KRT82: variants seen among roughly 807,000 people sequenced by gnomAD.
The protein encoded by KRT82 is keratin 82, also known as keratin, type II cuticular Hb2.
In KRT82, 44 loss-of-function variants were observed where a neutral mutation model predicts 48.0. The observed-to-expected ratio is 0.92, with a 90% CI of 0.72 to 1.18. The LOEUF is 1.18. Ranked by LOEUF, KRT82 falls within the 50% of genes most tolerant of loss-of-function variation. KRT82 has a pLI of 0.00. For synonymous variants in KRT82, 297 were observed against 278.3 expected (o/e 1.07, Z -0.67); for missense variants, 701 against 671.4 (o/e 1.04, Z -0.49).
intron 5 of KRT82, 81 bp from the exon 6 acceptor site, chr12:52,397,089 T>C: frequency 6.5e-7 from 1 of 1,536,340 alleles, no homozygotes; most frequent in South Asian, 1.2e-5. Context: ...CCCAGTCTTT[T>C]CTCCCGTGAC....
In KRT82 at chr12:52,403,802, G is replaced by T; in HGVS notation, c.519C>A (p.Ile173=). The T allele has an allele frequency of 6.2e-7, 1 of 1,613,690 alleles. No homozygotes were observed. The highest frequency in any genetic ancestry group is 8.5e-7 in the Non-Finnish European group (1 of 1,179,944). Residue 173 remains isoleucine, a synonymous_variant, in exon 2 of 9, where the codon ATC becomes ATA. Transcript: ENST00000257974. The part of the protein sequence containing the change: ...TNIEPIFEGY[I]SALRRQLDCV... Reference sequence around the variant, plus strand: ...AGTCCAGCTGCCGCCGAAGGGCGCTGATATAGCCCTCGAAGATGGGCTCGA... The same window carrying T: ...AGTCCAGCTGCCGCCGAAGGGCGCTTATATAGCCCTCGAAGATGGGCTCGA...
intron 2 of KRT82, among the ~76,000 whole-genome samples, chr12:52,402,644 T>G (rs932822931): frequency 6.6e-6 from 1 of 152,236 alleles, no homozygotes; most frequent in Non-Finnish European, 1.5e-5. Flanking sequence ...TTCCTCTCCC[T>G]TCTTCTCTGT....
chr12:52,401,352 G>A lies in KRT82; in HGVS notation c.621-3C>T. The stretch of plus-strand genomic sequence containing the variant: ...GCAGGGAGAGCTCCTCTTCGTATCT[G>A]ATGGAAAAGGCAGGAAAAAATGCTT... On this transcript the variant is annotated splice_region_variant and splice_polypyrimidine_tract_variant and intron_variant, in intron 2 of 8. Transcript: ENST00000257974. 6.2e-7 allele frequency: 1 copy of A among 1,614,002 alleles called. No individual in the cohort carries two copies. Among genetic ancestry groups the A allele is most frequent in the Non-Finnish European group, 8.5e-7 (1 of 1,179,896 alleles).
chr12:52,403,559 G>A lies in KRT82; in HGVS notation c.620+142C>T, dbSNP rs980626034. On this transcript the variant is annotated intron_variant, in intron 2 of 8. Transcript: ENST00000257974. ...TACCGTGTGCCAAGTGGGGTGCCCTGCTGACACCATCCCACCTAACTGTTC... is the reference window on the plus strand; with the variant it reads ...TACCGTGTGCCAAGTGGGGTGCCCTACTGACACCATCCCACCTAACTGTTC... 6 of 656,390 alleles carry A rather than the reference G, an allele frequency of 9.1e-6. No individual in the cohort carries two copies. In the African/African-American group the frequency reaches 1.1e-4, roughly 12 times the overall value. The allele number at this position is 656,390 out of a possible 1,614,324, so 40.7% of individuals were successfully genotyped here.
rs751900327 is a variant in KRT82 at position 52,406,323 on chromosome 12, G to A, written c.-46C>T. On this transcript the variant is annotated 5_prime_UTR_variant, in exon 1 of 9. Coordinates refer to ENST00000257974, the MANE Select transcript of KRT82 (RefSeq NM_033033.4). ...AAATGCGGCCCTGGAGGAAAGAACC[G>A]GGGCAGGATGATCAAGTCAGGCTCA... The A allele has an allele frequency of 1.2e-5, 18 of 1,492,988 alleles. No individual in the cohort carries two copies. Among genetic ancestry groups the A allele is most frequent in the Middle Eastern group, 1.8e-4 (1 of 5,626 alleles). 92.5% of individuals were successfully genotyped at this position (1,492,988 alleles called of 1,614,324 possible).
rs757162685 is a variant in KRT82 at position 52,400,582 on chromosome 12, G to A, written c.722C>T (p.Thr241Ile). The change falls in exon 4 of 9, where the codon ACC becomes ATC. Residue 241 changes from threonine (T) to isoleucine (I), a missense_variant. Thr to Ile is a moderately conservative substitution (Grantham distance 89, BLOSUM62 -1). Transcript: ENST00000257974. ...CTCCTGCACGAGTGCCTCTGCGTTG[G>A]TCTCCAGGTCAGCCTTCATCAGGAA... is the stretch of plus-strand genomic sequence containing the variant. ...TAFLMKADLE[T>I]NAEALVQEID... is the part of the protein sequence containing the mutation. 6.2e-7 allele frequency: 1 copy of A among 1,614,058 alleles called. No individual in the cohort carries two copies. The highest frequency in any genetic ancestry group is 8.5e-7 in the Non-Finnish European group (1 of 1,179,968).
At position 52,396,863 on chromosome 12, in the gene KRT82, G is replaced by A. The variant is rs1051484802; in HGVS notation, c.1068+20C>T. 5 of 1,613,060 alleles carry A rather than the reference G, an allele frequency of 3.1e-6. No homozygotes were observed. The African/African-American group carries it at 4.0e-5, about 13-fold the overall frequency. ...AGCCCAGGATGGCTGTTGCAGCAAG[G>A]AAGTCCTCCCCAGCCTCACCTGGGC... On this transcript the variant is annotated intron_variant, in intron 6 of 8. Coordinates refer to ENST00000257974, the MANE Select transcript of KRT82 (RefSeq NM_033033.4).
chr12:52,405,786 C>G, intron 1 of KRT82, 81 bp downstream of exon 1: 1 of 1,430,800 alleles, frequency 7.0e-7, no homozygotes, highest in Non-Finnish European at 9.4e-7. Flanking sequence ...CAGTCTCCTC[C>G]TGGTTCCCTT....
At chr12:52,398,729 A>G (rs1939747678) in intron 5 of KRT82, among the ~76,000 whole-genome samples, 1 of 152,020 alleles carries the variant, frequency 6.6e-6, no homozygotes, top group African/African-American at 2.4e-5. Flanking sequence ...CATACTTCCA[A>G]CCACCATGGA....
chr12:52,403,695 A>G lies in KRT82; in HGVS notation c.620+6T>C, dbSNP rs1434845830. The G allele has an allele frequency of 1.3e-6, 2 of 1,557,414 alleles. No individual in the cohort carries two copies. The highest frequency in any genetic ancestry group is 1.7e-5 in the Admixed American group (1 of 59,842). On this transcript the variant is annotated splice_donor_region_variant and intron_variant, in intron 2 of 8. Coordinates refer to ENST00000257974, the MANE Select transcript of KRT82 (RefSeq NM_033033.4). Reference sequence around the variant, plus strand: ...CACCAGTGGGGTAAAAGCAGCACTGACTCACTTTTTCTTGTAGCCCTCCAG... The same window carrying G: ...CACCAGTGGGGTAAAAGCAGCACTGGCTCACTTTTTCTTGTAGCCCTCCAG...
intron 5 of KRT82, among the ~76,000 whole-genome samples, chr12:52,397,817 C>G (rs968632082): frequency 6.6e-6 from 1 of 152,104 alleles, no homozygotes; most frequent in Non-Finnish European, 1.5e-5. Flanking sequence ...AAGGCTGAGG[C>G]GGGCAGATCA....
At chr12:52,404,858 C>T (rs192020250) in intron 1 of KRT82, among the ~76,000 whole-genome samples, 28 of 152,312 alleles carry the variant, frequency 1.8e-4, no homozygotes, top group South Asian at 6.2e-4. Flanking sequence ...AATCTCCCAC[C>T]GTCATTCCTC....
rs1428117261 is a variant in KRT82, at chr12:52,394,712, G to A, written c.*263C>T. On this transcript the variant is annotated 3_prime_UTR_variant, in exon 9 of 9. Transcript: ENST00000257974. ...GGTTATTGCCATTCTGCGGTTAAGA[G>A]CAATGCATGCTCTTTCTCTGCCGTC... The A allele has an allele frequency of 7.2e-6, 4 of 553,714 alleles. 1 individual carries two copies. The highest frequency in any genetic ancestry group is 6.3e-5 in the South Asian group (3 of 47,384). The allele number at this position is 553,714 out of a possible 1,614,324, so 34.3% of individuals were successfully genotyped here. A position where few individuals can be genotyped will look rare whatever the true frequency, so the allele number is the denominator to read the frequency against.
chr12:52,399,312 C>T (rs777383849), intron 5 of KRT82, among the ~76,000 whole-genome samples: 5 of 152,362 alleles, frequency 3.3e-5, no homozygotes, highest in Non-Finnish European at 2.9e-5. Context: ...ATGAAAGCGA[C>T]ATGAAGGCAG....
intron 2 of KRT82, among the ~76,000 whole-genome samples, chr12:52,401,671 C>T (rs1395909544): frequency 3.3e-5 from 5 of 152,202 alleles, no homozygotes; most frequent in Non-Finnish European, 5.9e-5. Context: ...CCCTTGGGAA[C>T]GTAGAAGAAG....
At chr12:52,405,416 T>A (rs1340271534) in intron 1 of KRT82, among the ~76,000 whole-genome samples, 2 of 152,176 alleles carry the variant, frequency 1.3e-5, no homozygotes, top group Non-Finnish European at 2.9e-5. Flanking sequence ...ATCCCAGGCC[T>A]AAAATGATTG....
Position 52,400,393 on chromosome 12 carries a change from C to T in KRT82, c.777+134G>A, listed in dbSNP as rs1939772418. The T allele has an allele frequency of 4.1e-6, 3 of 739,050 alleles. No homozygotes were observed. In the Admixed American group the frequency reaches 7.3e-5, roughly 18 times the overall value. 45.8% of individuals were successfully genotyped at this position (739,050 alleles called of 1,614,324 possible). ...ATCCAACTTCTGTGAGTCTCACCGC[C>T]TGAGAACGTCTCTACAGTGCGGACC... On this transcript the variant is annotated intron_variant, in intron 4 of 8. Coordinates refer to ENST00000257974, the MANE Select transcript of KRT82 (RefSeq NM_033033.4).
chr12:52,400,014 C>A lies in KRT82; in HGVS notation c.913G>T (p.Ala305Ser), dbSNP rs762574420. ...CACTGGTACCAGGCCTCTGCTTCGG[C>A]TTTGCTGCGGCTGGCGATGTCGTCA... is the stretch of plus-strand genomic sequence containing the variant. ...QYDDIASRSK[A>S]EAEAWYQCRY... The change falls in exon 5 of 9, where the codon GCC becomes TCC. Residue 305 changes from alanine (A) to serine (S), a missense_variant. Ala to Ser is a moderately conservative substitution (Grantham distance 99). Coordinates refer to ENST00000257974, the MANE Select transcript of KRT82 (RefSeq NM_033033.4). 1.2e-6 allele frequency: 2 copies of A among 1,614,192 alleles called. No homozygotes were observed. Among genetic ancestry groups the A allele is most frequent in the Admixed American group, 1.7e-5 (1 of 60,034 alleles).
In KRT82 at chr12:52,406,204, G is replaced by A. The variant is rs1021010341; in HGVS notation, c.74C>T (p.Pro25Leu). 6.2e-7 allele frequency: 1 copy of A among 1,613,360 alleles called. No individual in the cohort carries two copies. ...QSFSSYSAVM[P>L]RMVTHYAVSK... ...CACTGCATAGTGGGTGACCATCCGG[G>A]GCATGACAGCCGAGTATGAGCTGAA... Residue 25 changes from proline to leucine, a missense_variant, in exon 1 of 9, where the codon CCC becomes CTC. Coordinates refer to ENST00000257974, the MANE Select transcript of KRT82 (RefSeq NM_033033.4).
Sources: gnomAD v4.1 joint callset for allele counts (sites outside exome capture counted in the v4.1 genomes callset) on GRCh38, gnomAD v4.1.1 for gene constraint, MANE v1.5 for transcripts, NCBI Gene and HGNC (gene_info 2026-07-23, HGNC 2026-07-21) for gene names.